ME1: variants seen among roughly 807,000 people sequenced by gnomAD.
The protein encoded by ME1 is NADP-dependent malic enzyme.
In ME1, 74 loss-of-function variants were observed where a neutral mutation model predicts 66.4. The observed-to-expected ratio is 1.11, with a 90% CI of 0.92 to 1.35. The LOEUF (loss-of-function observed/expected upper bound fraction) is 1.35. ME1 is among the 40% of genes most tolerant of loss of function. The pLI is 0.00. For synonymous variants in ME1, 251 were observed against 235.6 expected, an observed-to-expected ratio of 1.07 and a Z score of -0.60; for missense variants, 750 against 694.1, an observed-to-expected ratio of 1.08 and a Z score of -0.90.
intron 1 of ME1, among the ~76,000 whole-genome samples, chr6:83,417,862 T>C (rs915742864): frequency 6.6e-6 from 1 of 152,266 alleles, no homozygotes; most frequent in African/African-American, 2.4e-5. Context: ...TATTTGTTAA[T>C]ATTTTGATAC....
chr6:83,376,802 C>CGCAAAAAAAAAAAAAAAAA (rs1769299661), intron 3 of ME1, among the ~76,000 whole-genome samples: 1 of 53,242 alleles, frequency 1.9e-5, no homozygotes, highest in African/African-American at 1.1e-4. Context: ...GACCCTGTCT[C>CGCAAAAAAAAAAAAAAAAA]ACAAAAAAAA....
intron 13 of ME1, among the ~76,000 whole-genome samples, chr6:83,213,034 A>ATT (rs1159191694): frequency 3.0e-5 from 4 of 134,818 alleles, no homozygotes. Flanking sequence ...AATTCACACC[A>ATT]GTTTTTTTTT....
intron 3 of ME1, chr6:83,393,016 A>C: frequency 1.3e-5 from 14 of 1,111,950 alleles, no homozygotes; most frequent in Non-Finnish European, 1.7e-5. Flanking sequence ...GCTCTCCAGA[A>C]CATCCTCTCT....
chr6:83,296,088 G>A (rs1562472773), intron 6 of ME1, among the ~76,000 whole-genome samples: 3 of 152,204 alleles, frequency 2.0e-5, no homozygotes, highest in East Asian at 1.9e-4. Flanking sequence ...TCTATCAAAT[G>A]TACAAAGAAG....
At chr6:83,248,849 CT>C (rs1430431747) in intron 7 of ME1, among the ~76,000 whole-genome samples, 3 of 152,134 alleles carry the variant, frequency 2.0e-5, no homozygotes, top group Admixed American at 2.0e-4. Context: ...GGAAAGTTCT[CT>C]GTAGCAGTGT....
chr6:83,317,172 G>A (rs1768052055), intron 5 of ME1, among the ~76,000 whole-genome samples: 3 of 152,112 alleles, frequency 2.0e-5, no homozygotes, highest in Admixed American at 6.5e-5. Context: ...AGGACTTGCT[G>A]GTAAAAGATG....
chr6:83,262,904 T>C (rs1772034216), intron 6 of ME1, among the ~76,000 whole-genome samples: 1 of 152,216 alleles, frequency 6.6e-6, no homozygotes, highest in Non-Finnish European at 1.5e-5. Context: ...TATCAGAATT[T>C]ATTACCAGCA....
intron 3 of ME1, among the ~76,000 whole-genome samples, chr6:83,375,251 T>C (rs1769267207): frequency 6.6e-6 from 1 of 152,232 alleles, no homozygotes; most frequent in Non-Finnish European, 1.5e-5. Context: ...TCCATTTGTT[T>C]GTGTCCTCTC....
At chr6:83,243,508 C>G (rs1348609992) in intron 7 of ME1, among the ~76,000 whole-genome samples, 1 of 122,394 alleles carries the variant, frequency 8.2e-6, no homozygotes, top group East Asian at 2.2e-4. Flanking sequence ...TTGATATAAT[C>G]TATTATAATT....
intron 6 of ME1, among the ~76,000 whole-genome samples, chr6:83,312,837 C>G (rs1250540119): frequency 6.6e-6 from 1 of 152,066 alleles, no homozygotes; most frequent in East Asian, 1.9e-4. Flanking sequence ...TAACTGCAAC[C>G]TCCGCCTCCC....
chr6:83,301,892 T>C (rs1196303739), intron 6 of ME1, among the ~76,000 whole-genome samples: 1 of 152,156 alleles, frequency 6.6e-6, no homozygotes, highest in Non-Finnish European at 1.5e-5. Flanking sequence ...GTGTGCAGAT[T>C]CCTCATAGAG....
chr6:83,288,775 TC>T (rs1169021444), intron 6 of ME1, among the ~76,000 whole-genome samples: 2 of 152,216 alleles, frequency 1.3e-5, no homozygotes, highest in Non-Finnish European at 2.9e-5. Context: ...TATTTATTCT[TC>T]CTATCCATGA....
chr6:83,295,157 C>A (rs1767574264), intron 6 of ME1, among the ~76,000 whole-genome samples: 1 of 152,220 alleles, frequency 6.6e-6, no homozygotes, highest in South Asian at 2.1e-4. Flanking sequence ...CCAAAAAATA[C>A]TTTGGTAACA....
intron 6 of ME1, among the ~76,000 whole-genome samples, chr6:83,279,059 T>A (rs535268326): frequency 2.0e-5 from 3 of 151,986 alleles, no homozygotes; most frequent in Admixed American, 6.6e-5. Context: ...AGATTACAGC[T>A]AAAACAAATT....
At chr6:83,221,755 A>C (rs77805030) in intron 12 of ME1, among the ~76,000 whole-genome samples, 2,684 of 152,322 alleles carry the variant, frequency 0.018, 36 homozygotes, top group Non-Finnish European at 0.027. Flanking sequence ...CATAAGAAAA[A>C]GAGAAGAAAA....
chr6:83,268,264 A>C (rs1415188251), intron 6 of ME1, among the ~76,000 whole-genome samples: 2 of 152,166 alleles, frequency 1.3e-5, no homozygotes, highest in African/African-American at 4.8e-5. Flanking sequence ...TTGATAATAA[A>C]ATCTATAAAG....
At chr6:83,343,692 C>T (rs532433176) in intron 5 of ME1, among the ~76,000 whole-genome samples, 6 of 152,176 alleles carry the variant, frequency 3.9e-5, no homozygotes, top group South Asian at 2.1e-4. Context: ...TAGGTGGATG[C>T]GTTCTGCAGG....
chr6:83,358,811 G>T (rs989068306), intron 3 of ME1, among the ~76,000 whole-genome samples: 1 of 151,392 alleles, frequency 6.6e-6, no homozygotes. Flanking sequence ...TAAACCCTGC[G>T]CTACCTGAGG....
rs1250974023 is a variant in ME1, at chr6:83,238,636, T to C, written c.913-806A>G. Among the ~76,000 whole-genome samples the C allele has an allele frequency of 2.6e-5, 4 of 152,028 alleles. 1 individual carries two copies. The highest frequency in any genetic ancestry group is 5.9e-5 in the Non-Finnish European group (4 of 67,924). ...TTTGTGATTTACATTCTGAATACTT[T>C]CACATATTTGTATCGTGGCATTTGA... is the stretch of plus-strand genomic sequence containing the variant. On this transcript the variant is annotated intron_variant, in intron 8 of 13. Coordinates refer to ENST00000369705, the MANE Select transcript of ME1 (RefSeq NM_002395.6).
Sources: allele counts gnomAD v4.1 joint callset (sites outside exome capture counted in the v4.1 genomes callset), GRCh38; gene constraint gnomAD v4.1.1; transcripts MANE v1.5; gene names NCBI Gene and HGNC (gene_info 2026-07-23, HGNC 2026-07-21).